The following PINX1 variants were observed in gnomAD, a reference collection of about 807,000 sequenced individuals.
PINX1 encodes the protein PIN2/TERF1-interacting telomerase inhibitor 1.
In PINX1, 34 loss-of-function variants were observed where a neutral mutation model predicts 25.4. That is an observed-to-expected ratio of 1.34 (90% CI 1.02 to 1.78). The LOEUF (loss-of-function observed/expected upper bound fraction) is 1.78. PINX1 is among the 40% of genes most tolerant of loss of function. The pLI is 0.00. For missense variants in PINX1, 592 were observed against 404.9 expected (o/e 1.46, Z -3.97); for synonymous variants, 197 against 147.7 (o/e 1.33, Z -2.42).
At chr8:10,769,008 T>A (rs1366793853) in intron 6 of PINX1, among the ~76,000 whole-genome samples, 2 of 152,140 alleles carry the variant, frequency 1.3e-5, no homozygotes, top group African/African-American at 4.8e-5. Context: ...TAAAAAAAAA[T>A]TTAAATGCGA....
intron 6 of PINX1, among the ~76,000 whole-genome samples, chr8:10,791,838 G>A (rs1801932655): frequency 6.6e-6 from 1 of 152,206 alleles, no homozygotes; most frequent in African/African-American, 2.4e-5. Context: ...CTGTGGTGCT[G>A]CCGCGGTTCC....
chr8:10,765,895 GA>G lies in PINX1; in HGVS notation c.492del (p.Pro165GlnfsTer25). ...KTPEGDASPS[T>X]PEENETTTTS... ...GTTGTCGTGGTTTCGTTCTCCTCTG[GA>G]GTGGAGGGACTGGCATCGCCCTATG... On this transcript the variant is annotated frameshift_variant, in exon 7 of 7. Transcript: ENST00000314787. LOFTEE classifies it low-confidence loss of function (END_TRUNC). 6.2e-7 allele frequency: 1 copy of G among 1,613,748 alleles called. No homozygotes were observed. The highest frequency in any genetic ancestry group is 8.5e-7 in the Non-Finnish European group (1 of 1,179,874).
intron 6 of PINX1, among the ~76,000 whole-genome samples, chr8:10,766,608 G>A (rs1193717406): frequency 2.0e-5 from 3 of 152,200 alleles, no homozygotes; most frequent in Admixed American, 2.0e-4. Flanking sequence ...TGGGGGTGGG[G>A]AGTAGAGAAA....
chr8:10,838,349 T>C lies in PINX1; in HGVS notation c.19+1389A>G, dbSNP rs143815668. On this transcript the variant is annotated intron_variant, in intron 1 of 6. Coordinates refer to ENST00000314787, the MANE Select transcript of PINX1 (RefSeq NM_017884.6). ...AAGGATTTGACAATTTGGAATAACG[T>C]TGGGAAGAGGAGAACTGAAAACACT... 6.0e-4 allele frequency among the ~76,000 whole-genome samples: 91 copies of C among 152,318 alleles called. 1 individual carries two copies. The East Asian group carries it at 0.017, about 28-fold the overall frequency.
chr8:10,838,341 G>C (rs896828183), intron 1 of PINX1, among the ~76,000 whole-genome samples: 6 of 152,218 alleles, frequency 3.9e-5, no homozygotes, highest in African/African-American at 1.4e-4. Flanking sequence ...TGACAATTTG[G>C]AATAACGTTG....
intron 6 of PINX1, among the ~76,000 whole-genome samples, chr8:10,789,374 C>T (rs967832282): frequency 6.6e-6 from 1 of 152,208 alleles, no homozygotes; most frequent in Non-Finnish European, 1.5e-5. Context: ...GCAAAATGAT[C>T]CCCACAGTCA....
intron 6 of PINX1, among the ~76,000 whole-genome samples, chr8:10,767,705 A>G (rs1420887355): frequency 6.6e-6 from 1 of 152,078 alleles, no homozygotes; most frequent in East Asian, 1.9e-4. Context: ...CCTGCCTCCC[A>G]AAGACGGGCA....
chr8:10,819,945 C>T (rs546895592), intron 6 of PINX1, among the ~76,000 whole-genome samples: 23 of 152,132 alleles, frequency 1.5e-4, no homozygotes, highest in Non-Finnish European at 2.8e-4. Flanking sequence ...CTAGTCCTCA[C>T]ACCAAAACAA....
At chr8:10,773,897 C>T (rs1411996957) in intron 6 of PINX1, among the ~76,000 whole-genome samples, 1 of 152,154 alleles carries the variant, frequency 6.6e-6, no homozygotes, top group African/African-American at 2.4e-5. Context: ...CAAACTTTCC[C>T]GACACACTGG....
At chr8:10,813,839 A>G (rs554598291) in intron 6 of PINX1, among the ~76,000 whole-genome samples, 35 of 151,876 alleles carry the variant, frequency 2.3e-4, no homozygotes, top group Non-Finnish European at 4.1e-4. Flanking sequence ...CTCTAGTGAT[A>G]AGGCTCAATC....
chr8:10,817,908 G>C (rs947136396), intron 6 of PINX1, among the ~76,000 whole-genome samples: 8 of 150,600 alleles, frequency 5.3e-5, no homozygotes, highest in Admixed American at 6.6e-5. Flanking sequence ...CAGAATAACT[G>C]CTGCAACAAT....
At chr8:10,769,221 CTGTTCAGCT>C (rs1801150154) in intron 6 of PINX1, among the ~76,000 whole-genome samples, 1 of 152,122 alleles carries the variant, frequency 6.6e-6, no homozygotes, top group African/African-American at 2.4e-5. Flanking sequence ...CCAATGCTTG[CTGTTCAGCT>C]AAAGGAGGTT....
At chr8:10,775,410 G>GGTTTTTT (rs1563203196) in intron 6 of PINX1, among the ~76,000 whole-genome samples, 2 of 109,594 alleles carry the variant, frequency 1.8e-5, no homozygotes, top group African/African-American at 3.2e-5. Context: ...CTGTTTTGTG[G>GGTTTTTT]TTTTTTTTTT....
At chr8:10,782,600 G>A (rs1005752378) in intron 6 of PINX1, among the ~76,000 whole-genome samples, 1 of 152,076 alleles carries the variant, frequency 6.6e-6, no homozygotes, top group Non-Finnish European at 1.5e-5. Flanking sequence ...GCTGGGCGTG[G>A]TGGCTCACGC....
At chr8:10,828,419 C>T (rs1285208968) in intron 4 of PINX1, among the ~76,000 whole-genome samples, 2 of 152,196 alleles carry the variant, frequency 1.3e-5, no homozygotes, top group African/African-American at 2.4e-5. Context: ...TTCCTTCCCA[C>T]AGCCACTCCA....
intron 5 of PINX1, among the ~76,000 whole-genome samples, chr8:10,821,275 T>C (rs1797858986): frequency 6.6e-6 from 1 of 152,230 alleles, no homozygotes; most frequent in African/African-American, 2.4e-5. Context: ...TCTAGTTCAC[T>C]ATCACTGGGG....
Position 10,839,675 on chromosome 8 carries a change from C to A in PINX1, c.19+63G>T, listed in dbSNP as rs769088923. 2.5e-5 allele frequency: 38 copies of A among 1,542,536 alleles called. No homozygotes were observed. The African/African-American group carries it at 4.9e-4, about 20-fold the overall frequency. On this transcript the variant is annotated intron_variant, in intron 1 of 6. Coordinates refer to ENST00000314787, the MANE Select transcript of PINX1 (RefSeq NM_017884.6). ...CGAGCTCCCAGCCACTCCGGGCTGC[C>A]GTGCGCGTCACCCGGCATCTTCACC... is the stretch of plus-strand genomic sequence containing the variant.
chr8:10,765,736 C>G lies in PINX1; in HGVS notation c.652G>C (p.Glu218Gln), dbSNP rs758934254. The change falls in exon 7 of 7, where the codon GAG (glutamate) becomes CAG (glutamine). Residue 218 changes from glutamate (E) to glutamine (Q), a missense_variant. Glu to Gln is a conservative substitution (Grantham distance 29). Coordinates refer to ENST00000314787, the MANE Select transcript of PINX1 (RefSeq NM_017884.6). ...ERKRGKKRNK[E>Q]ATGKDVESYL... ...CTTTCCACATCTTTACCTGTGGCCT[C>G]TTTATTTCTTTTCTTCCCCCTTTTA... 7.4e-6 allele frequency: 12 copies of G among 1,614,022 alleles called. No homozygotes were observed. Among genetic ancestry groups the G allele is most frequent in the Non-Finnish European group, 1.0e-5 (12 of 1,179,894 alleles).
chr8:10,776,478 G>T (rs562685734), intron 6 of PINX1, among the ~76,000 whole-genome samples: 1 of 151,570 alleles, frequency 6.6e-6, no homozygotes, highest in Non-Finnish European at 1.5e-5. Flanking sequence ...AATAAAAATT[G>T]GTCTTTAACA....
Sources: gnomAD v4.1 joint callset for allele counts (sites outside exome capture counted in the v4.1 genomes callset) on GRCh38, gnomAD v4.1.1 for gene constraint, MANE v1.5 for transcripts, NCBI Gene and HGNC (gene_info 2026-07-23, HGNC 2026-07-21) for gene names.